The following CFTR variants were observed in gnomAD, a reference collection of about 807,000 sequenced individuals.
CFTR encodes the protein cystic fibrosis transmembrane conductance regulator.
In CFTR, 181 loss-of-function variants were observed where a neutral mutation model predicts 171.6. The ratio of observed to expected loss-of-function variants is 1.05; its 90% CI spans 0.93 to 1.19. CFTR has a LOEUF of 1.19. Ranked by LOEUF, CFTR falls within the 50% of genes most tolerant of loss-of-function variation. The pLI, the probability that CFTR is intolerant of heterozygous loss-of-function variation, is 0.00. For synonymous variants in CFTR, 583 were observed against 608.0 expected, an observed-to-expected ratio of 0.96 and a Z score of 0.60; for missense variants, 1,968 against 1,734.7, an observed-to-expected ratio of 1.13 and a Z score of -2.39.
chr7:117,653,090 A>C (rs544445079), intron 24 of CFTR, among the ~76,000 whole-genome samples, 159 bp downstream of exon 24: 1 of 152,072 alleles, frequency 6.6e-6, no homozygotes, highest in African/African-American at 2.4e-5. Context: ...GGTACTTTTG[A>C]CTGGACCTAC....
intron 1 of CFTR, among the ~76,000 whole-genome samples, chr7:117,501,767 AAAAAG>A (rs1469305978): frequency 2.7e-5 from 4 of 148,556 alleles, no homozygotes; most frequent in Admixed American, 1.3e-4. Flanking sequence ...AAAAAAAAAA[AAAAAG>A]AAACAAAAAA....
intron 11 of CFTR, among the ~76,000 whole-genome samples, chr7:117,560,073 T>A (rs1293619210): frequency 6.6e-6 from 1 of 152,094 alleles, no homozygotes; most frequent in East Asian, 1.9e-4. Flanking sequence ...ATTTTAATAA[T>A]ACTATAGCCT....
At position 117,627,561 on chromosome 7, in the gene CFTR, C is replaced by A; in HGVS notation, c.3508C>A (p.Pro1170Thr). The change falls in exon 22 of 27, where the codon CCA (proline) becomes ACA (threonine). Residue 1170 changes from proline (P) to threonine (T), a missense_variant. Pro to Thr is a conservative substitution (Grantham distance 38, BLOSUM62 -1). Coordinates refer to ENST00000003084, the MANE Select transcript of CFTR (RefSeq NM_000492.4). ...CCGAGTCTTTAAGTTCATTGACATG[C>A]CAACAGAAGGTAAACCTACCAAGTC... ...VSRVFKFIDM[P>T]TEGKPTKSTK... The A allele has an allele frequency of 1.2e-6, 2 of 1,613,152 alleles. No homozygotes were observed. The highest frequency in any genetic ancestry group is 1.7e-6 in the Non-Finnish European group (2 of 1,179,386).
chr7:117,608,084 C>G (rs559632111), intron 18 of CFTR, among the ~76,000 whole-genome samples: 13 of 152,258 alleles, frequency 8.5e-5, no homozygotes, highest in South Asian at 6.2e-4. Context: ...TTATTTGAGG[C>G]TCACTTCAGA....
intron 3 of CFTR, among the ~76,000 whole-genome samples, chr7:117,520,815 G>T (rs1798673678): frequency 6.6e-6 from 1 of 151,780 alleles, no homozygotes; most frequent in South Asian, 2.1e-4. Flanking sequence ...TCTGTGCTTG[G>T]TATTGTGCAT....
At chr7:117,662,101 G>A (rs1350030075) in intron 24 of CFTR, among the ~76,000 whole-genome samples, 1 of 151,468 alleles carries the variant, frequency 6.6e-6, no homozygotes, top group Non-Finnish European at 1.5e-5. Flanking sequence ...GAAATTTATA[G>A]CATCTTGAAT....
intron 10 of CFTR, among the ~76,000 whole-genome samples, chr7:117,556,857 T>C (rs1032352420): frequency 6.6e-6 from 1 of 152,164 alleles, no homozygotes; most frequent in Non-Finnish European, 1.5e-5. Flanking sequence ...AACTCCTTTA[T>C]TGATACTTTT....
In CFTR at chr7:117,542,090, A is replaced by T; in HGVS notation, c.1191A>T (p.Val397=). 1 of 1,592,170 alleles carries T rather than the reference A, an allele frequency of 6.3e-7. No homozygotes were observed. The highest frequency in any genetic ancestry group is 1.1e-5 in the South Asian group (1 of 90,612). ...LTTTEVVMEN[V]TAFWEEGFGE... ...CTACAGAAGTAGTGATGGAGAATGT[A>T]ACAGCCTTCTGGGAGGAGGTCAGAA... The change falls in exon 9 of 27, where the codon GTA becomes GTT. Residue 397 remains valine, a synonymous_variant. Transcript: ENST00000003084.
chr7:117,611,773 T>G lies in CFTR; in HGVS notation c.3332T>G (p.Phe1111Cys). ...ATAGAAATGATTTTTGTCATCTTCT[T>G]CATTGCTGTTACCTTCATTTCCATT... ...MRIEMIFVIF[F>C]IAVTFISILT... Residue 1111 changes from phenylalanine to cysteine, a missense_variant, in exon 20 of 27, where the codon TTC (phenylalanine) becomes TGC (cysteine). Phe to Cys is a radical substitution (Grantham distance 205, BLOSUM62 -2). Coordinates refer to ENST00000003084, the MANE Select transcript of CFTR (RefSeq NM_000492.4). 1 of 1,613,100 alleles carries G rather than the reference T, an allele frequency of 6.2e-7. No individual in the cohort carries two copies. Among genetic ancestry groups the G allele is most frequent in the Non-Finnish European group, 8.5e-7 (1 of 1,179,432 alleles).
intron 1 of CFTR, among the ~76,000 whole-genome samples, chr7:117,502,157 C>G (rs964889224): frequency 1.3e-5 from 2 of 152,242 alleles, no homozygotes; most frequent in Non-Finnish European, 2.9e-5. Context: ...TTCCTGCTTT[C>G]AGGCTCCTCT....
At chr7:117,575,008 A>T (rs763034817) in intron 11 of CFTR, among the ~76,000 whole-genome samples, 104 of 151,982 alleles carry the variant, frequency 6.8e-4, no homozygotes, top group Non-Finnish European at 1.1e-3. Flanking sequence ...TTCCTGATGG[A>T]CATTTAGATT....
At chr7:117,525,757 A>G (rs1341153389) in intron 3 of CFTR, among the ~76,000 whole-genome samples, 1 of 102,052 alleles carries the variant, frequency 9.8e-6, no homozygotes, top group African/African-American at 4.6e-5. Context: ...CCATCCTTTT[A>G]TTTTGAGCCT....
intron 10 of CFTR, among the ~76,000 whole-genome samples, chr7:117,549,104 A>G (rs540811712): frequency 6.6e-6 from 1 of 152,260 alleles, no homozygotes; most frequent in Non-Finnish European, 1.5e-5. Flanking sequence ...CAATAACTTT[A>G]TTGAATAAAC....
At chr7:117,651,550 A>T (rs1044645122) in intron 23 of CFTR, among the ~76,000 whole-genome samples, 1 of 152,162 alleles carries the variant, frequency 6.6e-6, no homozygotes, top group Admixed American at 6.6e-5. Context: ...ATATCTTATG[A>T]TCCTATGAGT....
intron 7 of CFTR, among the ~76,000 whole-genome samples, chr7:117,537,873 C>A (rs1050972872): frequency 6.6e-6 from 1 of 152,128 alleles, no homozygotes; most frequent in Non-Finnish European, 1.5e-5. Context: ...CTCCATCACA[C>A]TTGCTCTCTG....
chr7:117,586,895 A>G (rs2095587551), intron 11 of CFTR, among the ~76,000 whole-genome samples: 1 of 152,114 alleles, frequency 6.6e-6, no homozygotes, highest in Non-Finnish European at 1.5e-5. Flanking sequence ...TACTTCTGTT[A>G]TGTACAAAAT....
At chr7:117,636,616 T>A (rs1562921666) in intron 22 of CFTR, among the ~76,000 whole-genome samples, 1 of 152,146 alleles carries the variant, frequency 6.6e-6, no homozygotes, top group Non-Finnish European at 1.5e-5. Flanking sequence ...GTTGGAAGTT[T>A]CTATTGACAT....
chr7:117,522,838 A>G (rs1236696796), intron 3 of CFTR, among the ~76,000 whole-genome samples: 2 of 150,794 alleles, frequency 1.3e-5, no homozygotes, highest in East Asian at 3.9e-4. Flanking sequence ...TTTCCAAATA[A>G]AAAAAAAATC....
In CFTR at chr7:117,540,316, T is replaced by C. The variant is rs397508155; in HGVS notation, c.1086T>C (p.Tyr362=). Residue 362 remains tyrosine, a synonymous_variant, in exon 8 of 27, where the codon TAT becomes TAC. Coordinates refer to ENST00000003084, the MANE Select transcript of CFTR (RefSeq NM_000492.4). ...TTCCCTGGGCTGTACAAACATGGTA[T>C]GACTCTCTTGGAGCAATAAACAAAA... ...RQFPWAVQTW[Y]DSLGAINKIQ... is the part of the protein sequence containing the mutation. The C allele has an allele frequency of 4.3e-6, 7 of 1,613,900 alleles. No homozygotes were observed. In the Admixed American group the frequency reaches 6.7e-5, roughly 15 times the overall value.
Sources: allele counts gnomAD v4.1 joint callset (sites outside exome capture counted in the v4.1 genomes callset), GRCh38; gene constraint gnomAD v4.1.1; transcripts MANE v1.5; gene names NCBI Gene and HGNC (gene_info 2026-07-23, HGNC 2026-07-21).